IARS1: variants seen among roughly 807,000 people sequenced by gnomAD.
IARS1 encodes isoleucyl-tRNA synthetase 1.
A neutral mutation model predicts 168.2 loss-of-function variants in IARS1; 124 were observed. The ratio of observed to expected loss-of-function variants is 0.74; its 90% CI spans 0.64 to 0.86. IARS1 has a LOEUF of 0.86. Ranked by LOEUF, IARS1 falls within the 40% of genes least tolerant of loss-of-function variation. The pLI is 0.00. For missense variants in IARS1, 1,452 were observed against 1,515.8 expected (o/e 0.96, Z 0.70); for synonymous variants, 532 against 529.4 (o/e 1.00, Z -0.07).
Position 92,271,658 on chromosome 9 carries a change from G to A in IARS1, c.991-3C>T. 2 of 1,613,984 alleles carry A rather than the reference G, an allele frequency of 1.2e-6. No homozygotes were observed. Among genetic ancestry groups the A allele is most frequent in the South Asian group, 1.1e-5 (1 of 91,084 alleles). On this transcript the variant is annotated splice_polypyrimidine_tract_variant and splice_region_variant and intron_variant, in intron 10 of 33. Coordinates refer to ENST00000443024, the MANE Select transcript of IARS1 (RefSeq NM_002161.6). ...TCCATACAGACCCGATAGTCCTCCTGAGAAAAGGCAAAAGAGAGGGAAGAA... is the reference window on the plus strand; with the variant it reads ...TCCATACAGACCCGATAGTCCTCCTAAGAAAAGGCAAAAGAGAGGGAAGAA...
At chr9:92,268,439 T>C (rs747198259) in intron 13 of IARS1, 139 bp from the exon 14 acceptor site, 3 of 796,850 alleles carry the variant, frequency 3.8e-6, no homozygotes, top group Non-Finnish European at 6.1e-6. Flanking sequence ...AAAGAGAATG[T>C]CTTCTAAATG....
chr9:92,229,388 C>CACACACACA (rs547012999), intron 30 of IARS1, among the ~76,000 whole-genome samples: 3 of 150,572 alleles, frequency 2.0e-5, no homozygotes, highest in African/African-American at 7.3e-5. Flanking sequence ...CACACACACA[C>CACACACACA]ATCTCCATCC....
intron 7 of IARS1, among the ~76,000 whole-genome samples, chr9:92,279,494 T>C (rs1282992779): frequency 6.6e-6 from 1 of 152,144 alleles, no homozygotes; most frequent in Admixed American, 6.6e-5. Context: ...GGCCAACAGC[T>C]TTCCAGTAGG....
chr9:92,242,450 C>T, intron 28 of IARS1, 120 bp from the exon 29 acceptor site: 2 of 693,756 alleles, frequency 2.9e-6, no homozygotes, highest in Non-Finnish European at 4.7e-6. Context: ...AGGGCAGTCA[C>T]CCTTCCCTCC....
chr9:92,253,934 A>T, intron 20 of IARS1: 1 of 452,684 alleles, frequency 2.2e-6, no homozygotes, highest in Non-Finnish European at 4.4e-6. Context: ...ATTTTATCCC[A>T]TGGGAAACAT....
chr9:92,230,867 G>A (rs181853523), intron 30 of IARS1, among the ~76,000 whole-genome samples: 3 of 152,230 alleles, frequency 2.0e-5, no homozygotes, highest in Non-Finnish European at 4.4e-5. Flanking sequence ...TGTTGTCATG[G>A]ACATTTCTGT....
chr9:92,276,780 G>A (rs1362876923), intron 9 of IARS1, among the ~76,000 whole-genome samples: 1 of 152,200 alleles, frequency 6.6e-6, no homozygotes, highest in Non-Finnish European at 1.5e-5. Flanking sequence ...TTTAAATAAG[G>A]ACGGAGAAAT....
intron 6 of IARS1, among the ~76,000 whole-genome samples, chr9:92,283,332 C>T (rs1203626984): frequency 6.6e-6 from 1 of 152,136 alleles, no homozygotes; most frequent in Non-Finnish European, 1.5e-5. Context: ...AGTATTAGAA[C>T]TAAAAATTAA....
chr9:92,228,293 T>A (rs1826080207), intron 31 of IARS1, among the ~76,000 whole-genome samples: 1 of 152,350 alleles, frequency 6.6e-6, no homozygotes, highest in East Asian at 1.9e-4. Context: ...TAATCTTTTT[T>A]TTTTCAGAGG....
At chr9:92,251,773 G>A in intron 22 of IARS1, 35 bp downstream of exon 22, 1 of 1,533,586 alleles carries the variant, frequency 6.5e-7, no homozygotes, top group Non-Finnish European at 9.0e-7. Flanking sequence ...CAGCCCATAG[G>A]CCAAAGGGTA....
chr9:92,287,217 T>C (rs1054778824), intron 4 of IARS1, among the ~76,000 whole-genome samples: 1 of 152,212 alleles, frequency 6.6e-6, no homozygotes, highest in African/African-American at 2.4e-5. Flanking sequence ...AGAAAATAGC[T>C]GTTCTGCAAT....
chr9:92,250,112 C>T, intron 24 of IARS1, 75 bp downstream of exon 24: 1 of 1,042,454 alleles, frequency 9.6e-7, no homozygotes, highest in East Asian at 2.4e-5. Context: ...TGGAAGCTCT[C>T]TATATTAAAA....
At chr9:92,290,616 A>C (rs1836167026) in intron 1 of IARS1, among the ~76,000 whole-genome samples, 1 of 152,132 alleles carries the variant, frequency 6.6e-6, no homozygotes, top group African/African-American at 2.4e-5. Flanking sequence ...CATTACCTAA[A>C]CAAGGTTATA....
At chr9:92,287,639 T>C in intron 4 of IARS1, 152 bp downstream of exon 4, 1 of 766,068 alleles carries the variant, frequency 1.3e-6, no homozygotes, top group South Asian at 2.3e-5. Flanking sequence ...CAGTTTAAGC[T>C]AACCGTTTAA....
At position 92,250,812 on chromosome 9, in the gene IARS1, G is replaced by T; in HGVS notation, c.2330C>A (p.Thr777Asn). ...CTTTAGATTCTGGTACATCAATTCA[G>T]TGAGAAAAGGTGTGTAGGGAGCCTG... ...RLMAPYTPFL[T>N]ELMYQNLKVL... The change falls in exon 23 of 34, where the codon ACT (threonine) becomes AAT (asparagine). Residue 777 changes from threonine to asparagine, a missense_variant. Thr to Asn is a moderately conservative substitution (Grantham distance 65). Coordinates refer to ENST00000443024, the MANE Select transcript of IARS1 (RefSeq NM_002161.6). The T allele has an allele frequency of 6.2e-7, 1 of 1,611,276 alleles. No homozygotes were observed. Among genetic ancestry groups the T allele is most frequent in the Non-Finnish European group, 8.5e-7 (1 of 1,178,814 alleles).
chr9:92,289,536 C>G (rs1461193501), intron 1 of IARS1, 110 bp from the exon 2 acceptor site: 4 of 655,350 alleles, frequency 6.1e-6, no homozygotes, highest in Non-Finnish European at 1.1e-5. Context: ...TAAAAAATTA[C>G]AGCTTTATTG....
intron 33 of IARS1, among the ~76,000 whole-genome samples, chr9:92,219,100 C>A (rs755741941): frequency 6.6e-6 from 1 of 152,004 alleles, no homozygotes; most frequent in Non-Finnish European, 1.5e-5. Flanking sequence ...CAGAACAGAG[C>A]CCCTCAGAAA....
rs751012642 is a variant in IARS1 at position 92,278,271 on chromosome 9, C to T, written c.761G>A (p.Arg254Gln). 1.2e-5 allele frequency: 20 copies of T among 1,610,970 alleles called. No homozygotes were observed. The highest frequency in any genetic ancestry group is 1.6e-4 in the Middle Eastern group (1 of 6,080). Residue 254 changes from arginine to glutamine, a missense_variant, in exon 8 of 34, where the codon CGA (arginine) becomes CAA (glutamine). Coordinates refer to ENST00000443024, the MANE Select transcript of IARS1 (RefSeq NM_002161.6). ...YVKIKDVARGRLLILMEARLS... is the reference protein window; with the variant it reads ...YVKIKDVARGQLLILMEARLS... ...TCTGGCTTCCATTAAAATGAGTAAT[C>T]GTCCTCTGGCAACATCTACGAGAAA...
At chr9:92,245,262 T>C (rs927741197) in intron 26 of IARS1, among the ~76,000 whole-genome samples, 191 bp from the exon 27 acceptor site, 2 of 152,218 alleles carry the variant, frequency 1.3e-5, no homozygotes, top group African/African-American at 2.4e-5. Context: ...GATTACACTA[T>C]GCTACCTTGA....
Sources: allele counts gnomAD v4.1 joint callset (sites outside exome capture counted in the v4.1 genomes callset), GRCh38; gene constraint gnomAD v4.1.1; transcripts MANE v1.5; gene names NCBI Gene and HGNC (gene_info 2026-07-23, HGNC 2026-07-21).